The following SPAG17 variants were observed in gnomAD, a reference collection of about 807,000 sequenced individuals.
The protein encoded by SPAG17 is sperm associated antigen 17, also known as sperm-associated antigen 17.
A neutral mutation model predicts 273.6 loss-of-function variants in SPAG17; 169 were observed. The observed-to-expected ratio is 0.62, with a 90% CI of 0.55 to 0.70. SPAG17 has a LOEUF of 0.70. Ranked by LOEUF, SPAG17 falls within the 30% of genes least tolerant of loss-of-function variation. The probability of loss-of-function intolerance (pLI) is 0.00; values close to 1 mark genes in which losing one functional copy is unlikely to be tolerated. For missense variants in SPAG17, 2,557 were observed against 2,627.8 expected (o/e 0.97, Z 0.59); for synonymous variants, 825 against 873.2 (o/e 0.94, Z 0.97).
chr1:118,076,541 T>C (rs1482354800), intron 15 of SPAG17: 2 of 152,160 alleles, frequency 1.3e-5, no homozygotes, highest in Admixed American at 1.3e-4. Flanking sequence ...AATCTGTGGA[T>C]AAAAATTATT....
rs1302423051 is a variant in SPAG17, at chr1:117,994,484, T to C, written c.5100A>G (p.Pro1700=). ...TTGTATCTTCCTTTTTTACTTGCCA[T>C]GGTGATGCTTCATGGAAAGGGCGAA... The part of the protein sequence containing the change: ...TVLRPFHEAS[P]WQVKKEDTIV... The change falls in exon 35 of 49, where the codon CCA becomes CCG. Residue 1700 remains proline (P), a synonymous_variant. Coordinates refer to ENST00000336338, the MANE Select transcript of SPAG17 (RefSeq NM_206996.4). The C allele has an allele frequency of 8.1e-6, 13 of 1,612,872 alleles. No individual in the cohort carries two copies. The highest frequency in any genetic ancestry group is 1.1e-5 in the Non-Finnish European group (13 of 1,179,194).
rs138587212 is a variant in SPAG17, at chr1:117,997,093, A to G, written c.4777-350T>C. Among the ~76,000 whole-genome samples the G allele has an allele frequency of 5.6e-4, 86 of 152,278 alleles. 1 individual carries two copies. The East Asian group carries it at 5.8e-3, about 10-fold the overall frequency. The stretch of plus-strand genomic sequence containing the variant: ...GGTACTCATGCAATAGTTGTCTTGA[A>G]TTATTTGCAAGGACCTTTGAATGGA... On this transcript the variant is annotated intron_variant, in intron 32 of 48. Coordinates refer to ENST00000336338, the MANE Select transcript of SPAG17 (RefSeq NM_206996.4).
chr1:118,129,934 T>A (rs536458205), intron 3 of SPAG17, among the ~76,000 whole-genome samples: 1 of 152,266 alleles, frequency 6.6e-6, no homozygotes, highest in African/African-American at 2.4e-5. Flanking sequence ...AAGAATGTAT[T>A]CAGTGTATCA....
At position 118,016,185 on chromosome 1, in the gene SPAG17, G is replaced by T. The variant is rs375919029; in HGVS notation, c.4070-3C>A. ...TGACTGACTTTTGTGACTTTTTCCT[G>T]TGAAGTTCAAGTAAAATCAAACAAC... On this transcript the variant is annotated splice_region_variant and splice_polypyrimidine_tract_variant and intron_variant, in intron 28 of 48. Coordinates refer to ENST00000336338, the MANE Select transcript of SPAG17 (RefSeq NM_206996.4). The T allele has an allele frequency of 3.7e-6, 6 of 1,609,726 alleles. No individual in the cohort carries two copies. Among genetic ancestry groups the T allele is most frequent in the Non-Finnish European group, 5.1e-6 (6 of 1,176,832 alleles).
chr1:118,000,728 T>C (rs1472018636), intron 32 of SPAG17, among the ~76,000 whole-genome samples: 2 of 152,044 alleles, frequency 1.3e-5, no homozygotes, highest in Admixed American at 6.6e-5. Flanking sequence ...TGGGCTGAGA[T>C]GATGGGGTTT....
At chr1:118,020,542 T>C (rs1011089058) in intron 28 of SPAG17, among the ~76,000 whole-genome samples, 1 of 151,974 alleles carries the variant, frequency 6.6e-6, no homozygotes, top group African/African-American at 2.4e-5. Context: ...TCTATCATCA[T>C]ATCCTTAAAA....
At chr1:118,046,999 G>A (rs953915794) in intron 20 of SPAG17, among the ~76,000 whole-genome samples, 8 of 152,182 alleles carry the variant, frequency 5.3e-5, no homozygotes, top group Non-Finnish European at 7.3e-5. Flanking sequence ...CCTGCTAAAC[G>A]TGTGTTCATC....
At chr1:118,092,133 G>C (rs1255048258) in intron 8 of SPAG17, 131 bp from the exon 9 acceptor site, 1 of 743,508 alleles carries the variant, frequency 1.3e-6, no homozygotes, top group African/African-American at 1.8e-5. Context: ...AAAATCATCT[G>C]CTAATATTAG....
At position 118,086,976 on chromosome 1, in the gene SPAG17, G is replaced by T; in HGVS notation, c.1392C>A (p.Pro464=). ...VVATEEDLVP[P]SLREPSPRAD... ...CTCTGGGGGATGGCTCCCGCAGACTGGGTGGGACGAGATCTTCTTCAGTTG... is the reference window on the plus strand; with the variant it reads ...CTCTGGGGGATGGCTCCCGCAGACTTGGTGGGACGAGATCTTCTTCAGTTG... The change falls in exon 11 of 49, where the codon CCC becomes CCA. Residue 464 remains proline (P), a synonymous_variant. Transcript: ENST00000336338. The T allele has an allele frequency of 2.5e-6, 4 of 1,575,094 alleles. No homozygotes were observed. The highest frequency in any genetic ancestry group is 3.4e-6 in the Non-Finnish European group (4 of 1,165,056).
intron 3 of SPAG17, among the ~76,000 whole-genome samples, chr1:118,125,172 C>T (rs1657641569): frequency 6.6e-6 from 1 of 151,926 alleles, no homozygotes; most frequent in Non-Finnish European, 1.5e-5. Context: ...TATTGCTCGT[C>T]TCCTGGCCTG....
At chr1:118,005,319 C>T in intron 32 of SPAG17, 95 bp downstream of exon 32, 1 of 1,071,808 alleles carries the variant, frequency 9.3e-7, no homozygotes, top group Non-Finnish European at 1.3e-6. Context: ...AATCCCAAGG[C>T]AACTAAGGTA....
chr1:118,068,715 T>C (rs1245532130), intron 17 of SPAG17, among the ~76,000 whole-genome samples: 2 of 152,222 alleles, frequency 1.3e-5, no homozygotes, highest in Non-Finnish European at 2.9e-5. Flanking sequence ...TGGCAGGCAC[T>C]GTGCAGGTAC....
At position 117,988,201 on chromosome 1, in the gene SPAG17, G is replaced by T. The variant is rs772575567; in HGVS notation, c.5525C>A (p.Ala1842Glu). 6.3e-7 allele frequency: 1 copy of T among 1,594,310 alleles called. No individual in the cohort carries two copies. The highest frequency in any genetic ancestry group is 8.5e-7 in the Non-Finnish European group (1 of 1,173,288). ...CTTGAATAAATCAGTTAGGTGAGCT[G>T]CAACTTTAAACATAGATGTATTTAA... ...ETTKSHVTEVAAHLTDLFKQS... is the reference protein window; with the variant it reads ...ETTKSHVTEVEAHLTDLFKQS... Residue 1842 changes from alanine (A) to glutamate (E), a missense_variant, in exon 39 of 49, where the codon GCA (alanine) becomes GAA (glutamate). Coordinates refer to ENST00000336338, the MANE Select transcript of SPAG17 (RefSeq NM_206996.4).
At chr1:118,148,326 CTG>C (rs1220298347) in intron 3 of SPAG17, among the ~76,000 whole-genome samples, 2 of 152,144 alleles carry the variant, frequency 1.3e-5, no homozygotes, top group African/African-American at 4.8e-5. Flanking sequence ...GATCCAAACA[CTG>C]AGCAACAGCA....
intron 1 of SPAG17, among the ~76,000 whole-genome samples, chr1:118,151,836 A>AT (rs1225790173): frequency 6.6e-6 from 1 of 152,242 alleles, no homozygotes; most frequent in African/African-American, 2.4e-5. Context: ...GAGCTGCCAA[A>AT]TGAGAACTGA....
intron 48 of SPAG17, among the ~76,000 whole-genome samples, chr1:117,957,881 G>T (rs1652447967): frequency 6.6e-6 from 1 of 152,120 alleles, no homozygotes; most frequent in African/African-American, 2.4e-5. Context: ...ATTTCTCTTG[G>T]TCTCTACAGG....
In SPAG17 at chr1:118,040,767, C is replaced by T. The variant is rs1649654155; in HGVS notation, c.3129G>A (p.Gly1043=). 6.2e-7 allele frequency: 1 copy of T among 1,605,918 alleles called. No individual in the cohort carries two copies. The highest frequency in any genetic ancestry group is 1.1e-5 in the South Asian group (1 of 90,924). ...TTGTCTTTTCCACTTCAATCTGCCC[C>T]CCATCAGAAGGATACAGGTAGTAAT... ...GSNYYLYPSD[G]GQIEVEKTMF... The change falls in exon 22 of 49, where the codon GGG becomes GGA. Residue 1043 remains glycine, a synonymous_variant. Transcript: ENST00000336338.
intron 12 of SPAG17, among the ~76,000 whole-genome samples, 196 bp from the exon 13 acceptor site, chr1:118,086,268 G>A (rs1654984676): frequency 6.6e-6 from 1 of 152,130 alleles, no homozygotes; most frequent in Non-Finnish European, 1.5e-5. Flanking sequence ...AGGATTTCCT[G>A]GTGCACAAAA....
intron 18 of SPAG17, among the ~76,000 whole-genome samples, chr1:118,056,373 T>C (rs1651674674): frequency 6.6e-6 from 1 of 152,214 alleles, no homozygotes; most frequent in Admixed American, 6.5e-5. Flanking sequence ...CTGGATTAAC[T>C]AAACCACTAT....
Sources: gnomAD v4.1 joint callset for allele counts (sites outside exome capture counted in the v4.1 genomes callset) on GRCh38, gnomAD v4.1.1 for gene constraint, MANE v1.5 for transcripts, NCBI Gene and HGNC (gene_info 2026-07-23, HGNC 2026-07-21) for gene names.